Variants in FAM151A observed in about 807,000 individuals in gnomAD.
The protein encoded by FAM151A is protein FAM151A.
A neutral mutation model predicts 40.4 loss-of-function variants in FAM151A; 41 were observed. The observed-to-expected ratio is 1.01, with a 90% CI of 0.79 to 1.32. The LOEUF is 1.32. Among genes scored for constraint, FAM151A ranks in the 40% most tolerant of loss-of-function variants. The pLI is 0.00. For synonymous variants in FAM151A, 337 were observed against 312.5 expected (o/e 1.08, Z -0.83); for missense variants, 740 against 740.4 (o/e 1.00, Z 0.01).
At position 54,611,695 on chromosome 1, in the gene FAM151A, T is replaced by C; in HGVS notation, c.851A>G (p.Asp284Gly). 6.2e-7 allele frequency: 1 copy of C among 1,614,080 alleles called. No individual in the cohort carries two copies. The highest frequency in any genetic ancestry group is 8.5e-7 in the Non-Finnish European group (1 of 1,180,012). Residue 284 changes from aspartate (D) to glycine (G), a missense_variant, in exon 6 of 8, where the codon GAT (aspartate) becomes GGT (glycine). Coordinates refer to ENST00000302250, the MANE Select transcript of FAM151A (RefSeq NM_176782.3). ...AGTGTTATCCCGGACGTAGAGCAGA[T>C]CTTCCACCGACATGGGGTCCGAGGC... is the stretch of plus-strand genomic sequence containing the variant. ...QAASDPMSVE[D>G]LLYVRDNTAV...
In FAM151A at chr1:54,614,498, A is replaced by G. The variant is rs546028335; in HGVS notation, c.575+202T>C. 2.0e-5 allele frequency among the ~76,000 whole-genome samples: 3 copies of G among 152,190 alleles called. No individual in the cohort carries two copies. The East Asian group carries it at 5.8e-4, about 29-fold the overall frequency. On this transcript the variant is annotated intron_variant, in intron 4 of 7. Coordinates refer to ENST00000302250, the MANE Select transcript of FAM151A (RefSeq NM_176782.3). ...CTAAGATGTCAAGGAAGTTTCTAGG[A>G]GATAATGACTGGCCAGTGGTTTGTC...
At chr1:54,610,153 C>A in intron 7 of FAM151A, 1 of 1,433,452 alleles carries the variant, frequency 7.0e-7, no homozygotes, top group Admixed American at 2.9e-5. Context: ...TTGGCCTTTA[C>A]CCATGACTCA....
intron 2 of FAM151A, among the ~76,000 whole-genome samples, chr1:54,616,655 GA>G (rs1390066392): frequency 2.0e-5 from 3 of 152,178 alleles, no homozygotes; most frequent in Non-Finnish European, 4.4e-5. Flanking sequence ...TTACAGGCGT[GA>G]GCCACCGTGC....
rs765712593 is a variant in FAM151A, at chr1:54,612,704, C to T, written c.582G>A (p.Leu194=). Residue 194 remains leucine (L), a synonymous_variant, in exon 5 of 8, where the codon CTG becomes CTA. Coordinates refer to ENST00000302250, the MANE Select transcript of FAM151A (RefSeq NM_176782.3). ...TGGGATACTTCTCCTGGACCAGGGCCAGGAACCTGCAAAAAAATCAGAGAT... is the reference window on the plus strand; with the variant it reads ...TGGGATACTTCTCCTGGACCAGGGCTAGGAACCTGCAAAAAAATCAGAGAT... ...ISTEVNATQF[L]ALVQEKYPKA... 3 of 1,612,738 alleles carry T rather than the reference C, an allele frequency of 1.9e-6. No homozygotes were observed. In the East Asian group the frequency reaches 6.7e-5, roughly 36 times the overall value.
Position 54,611,590 on chromosome 1 carries a change from C to T in FAM151A, c.940+16G>A. On this transcript the variant is annotated intron_variant, in intron 6 of 7. Coordinates refer to ENST00000302250, the MANE Select transcript of FAM151A (RefSeq NM_176782.3). ...AGAATCCAGCCCACACCACCCTTCCCAATTCCTCTCCTTACAGGCCAGCTG... is the reference window on the plus strand; with the variant it reads ...AGAATCCAGCCCACACCACCCTTCCTAATTCCTCTCCTTACAGGCCAGCTG... 1.9e-6 allele frequency: 3 copies of T among 1,613,350 alleles called. No individual in the cohort carries two copies. Among genetic ancestry groups the T allele is most frequent in the Non-Finnish European group, 2.5e-6 (3 of 1,179,578 alleles).
In FAM151A at chr1:54,612,618, T is replaced by G; in HGVS notation, c.668A>C (p.Tyr223Ser). Residue 223 changes from tyrosine (Y) to serine (S), a missense_variant, in exon 5 of 8, where the codon TAC (tyrosine) becomes TCC (serine). Tyr to Ser is a moderately radical substitution (Grantham distance 144, BLOSUM62 -2). Transcript: ENST00000302250. ...CATCTTCTCCACCATGGCTTGGGTG[T>G]ACGTCCTGTTTGGGGACGTGGACAT... ...FYMSTSPNRT[Y>S]TQAMVEKMHE... 1 of 1,614,108 alleles carries G rather than the reference T, an allele frequency of 6.2e-7. No homozygotes were observed. The highest frequency in any genetic ancestry group is 8.5e-7 in the Non-Finnish European group (1 of 1,180,002).
At chr1:54,620,475 G>A (rs377210159) in intron 1 of FAM151A, among the ~76,000 whole-genome samples, 1 of 152,202 alleles carries the variant, frequency 6.6e-6, no homozygotes, top group Non-Finnish European at 1.5e-5. Context: ...GGAGGCCGAG[G>A]TGGGTGGATC....
chr1:54,610,845 T>C (rs879899329), intron 6 of FAM151A: 245 of 985,302 alleles, frequency 2.5e-4, no homozygotes, highest in Non-Finnish European at 2.7e-4. Flanking sequence ...GCAGGAATGC[T>C]GAGTCTGATG....
intron 4 of FAM151A, 113 bp downstream of exon 4, chr1:54,614,587 C>CTA (rs2101018274): frequency 1.8e-6 from 2 of 1,091,188 alleles, no homozygotes; most frequent in African/African-American, 3.2e-5. Context: ...AGAGGTGAGG[C>CTA]TATATATAGT....
chr1:54,611,519 C>T, intron 6 of FAM151A, 87 bp downstream of exon 6: 1 of 1,429,040 alleles, frequency 7.0e-7, no homozygotes, highest in Non-Finnish European at 9.7e-7. Flanking sequence ...TCTGATATCC[C>T]TTCCACCCAG....
Position 54,620,063 on chromosome 1 carries a change from A to G in FAM151A, c.119-56T>C, listed in dbSNP as rs532445981. ...CTGTCCTCGCCCCAGCCCAAGACTC[A>G]TGTTCGTTCATCCCATGACCCTCCC... On this transcript the variant is annotated intron_variant, in intron 1 of 7. Transcript: ENST00000302250. 8.8e-5 allele frequency: 139 copies of G among 1,576,518 alleles called. 3 individuals are homozygous for G. In the South Asian group the frequency reaches 1.5e-3, roughly 17 times the overall value.
Position 54,614,675 on chromosome 1 carries a change from C to G in FAM151A, c.575+25G>C, listed in dbSNP as rs1164989665. On this transcript the variant is annotated intron_variant, in intron 4 of 7. Transcript: ENST00000302250. ...GTTGACAGAAGAGGGCTGGACACAGCTGGGACAGAGAGGCGAACACTCACT... is the reference window on the plus strand; with the variant it reads ...GTTGACAGAAGAGGGCTGGACACAGGTGGGACAGAGAGGCGAACACTCACT... 2.5e-6 allele frequency: 4 copies of G among 1,598,844 alleles called. No homozygotes were observed. The East Asian group carries it at 6.7e-5, about 27-fold the overall frequency.
chr1:54,612,787 C>A (rs1158370099), intron 4 of FAM151A, 77 bp from the exon 5 acceptor site: 45 of 1,077,796 alleles, frequency 4.2e-5, no homozygotes, highest in Admixed American at 1.1e-4. Context: ...CATCACAGTG[C>A]TAGGGAGTGG....
At position 54,609,542 on chromosome 1, in the gene FAM151A, G is replaced by A. The variant is rs1644086147; in HGVS notation, c.1484C>T (p.Thr495Ile). 6.2e-7 allele frequency: 1 copy of A among 1,612,808 alleles called. No homozygotes were observed. The highest frequency in any genetic ancestry group is 8.5e-7 in the Non-Finnish European group (1 of 1,180,036). ...CCCCTGGCACAACTCTAGCATATCT[G>A]TGAGCAGCTGTTCCCTGTAGCCACT... ...LGSGYREQLLTDMLELCQGLW... is the reference protein window; with the variant it reads ...LGSGYREQLLIDMLELCQGLW... Residue 495 changes from threonine (T) to isoleucine (I), a missense_variant, in exon 8 of 8, where the codon ACA becomes ATA. Coordinates refer to ENST00000302250, the MANE Select transcript of FAM151A (RefSeq NM_176782.3).
rs1007441965 is a variant in FAM151A at position 54,615,962 on chromosome 1, A to T, written c.415+58T>A. The T allele has an allele frequency of 3.8e-6, 6 of 1,576,472 alleles. No individual in the cohort carries two copies. In the Admixed American group the frequency reaches 7.0e-5, roughly 18 times the overall value. On this transcript the variant is annotated intron_variant, in intron 3 of 7. Coordinates refer to ENST00000302250, the MANE Select transcript of FAM151A (RefSeq NM_176782.3). ...GCTTCCCAGTGAGGGATCTCTGCAC[A>T]TGCTGCCCCAGGGCCAGAGGGCTGG...
rs1288912374 is a variant in FAM151A, at chr1:54,623,461, T to A, written c.-66A>T. 21 of 1,212,380 alleles carry A rather than the reference T, an allele frequency of 1.7e-5. No homozygotes were observed. The highest frequency in any genetic ancestry group is 2.2e-5 in the Non-Finnish European group (18 of 826,552). The allele number at this position is 1,212,380 out of a possible 1,614,324, so 75.1% of individuals were successfully genotyped here. ...CAGAGTCCCTGAGGCTCCCTGCAGC[T>A]GGAATCCTGTGGGAGGCAGGAGCTC... On this transcript the variant is annotated 5_prime_UTR_variant, in exon 1 of 8. Transcript: ENST00000302250.
At chr1:54,616,215 A>G in intron 2 of FAM151A, 43 bp from the exon 3 acceptor site, 2 of 1,542,238 alleles carry the variant, frequency 1.3e-6, no homozygotes, top group African/African-American at 1.4e-5. Flanking sequence ...TTTTTTAAAA[A>G]AAGAAAACTT....
chr1:54,610,049 G>T (rs772244822), intron 7 of FAM151A, 108 bp from the exon 8 acceptor site: 1 of 1,448,256 alleles, frequency 6.9e-7, no homozygotes, highest in Non-Finnish European at 9.0e-7. Context: ...CAAGGACCTT[G>T]CCTCTCTGGA....
chr1:54,613,857 T>A (rs1644143554), intron 4 of FAM151A, among the ~76,000 whole-genome samples: 1 of 152,192 alleles, frequency 6.6e-6, no homozygotes, highest in Non-Finnish European at 1.5e-5. Flanking sequence ...AAGAGATGGA[T>A]GGGAAAGAGC....
Sources: gnomAD v4.1 joint callset for allele counts (sites outside exome capture counted in the v4.1 genomes callset) on GRCh38, gnomAD v4.1.1 for gene constraint, MANE v1.5 for transcripts, NCBI Gene and HGNC (gene_info 2026-07-23, HGNC 2026-07-21) for gene names.